The following MTA3 variants were observed in gnomAD, a reference collection of about 807,000 sequenced individuals.
MTA3 encodes metastasis-associated protein MTA3.
MTA3 carries 34 observed loss-of-function variants against 83.5 expected under a neutral mutation model. The observed-to-expected ratio is 0.41, with a 90% CI of 0.31 to 0.54. MTA3 has a LOEUF of 0.54. MTA3 is among the 20% of genes least tolerant of loss of function. The pLI is 0.33. For synonymous variants in MTA3, 303 were observed against 252.7 expected (o/e 1.20, Z -1.89); for missense variants, 761 against 726.4 (o/e 1.05, Z -0.55).
rs761256153 is a variant in MTA3, at chr2:42,659,870, A to G, written c.702+8A>G. On this transcript the variant is annotated splice_region_variant and intron_variant, in intron 8 of 16. Coordinates refer to ENST00000405094, the MANE Select transcript of MTA3 (RefSeq NM_001330442.2). ...TCCCGAGACATCACCTTGGTAAGACATGGTTTGAAATTTTGTGGGTATTTA... is the reference window on the plus strand; with the variant it reads ...TCCCGAGACATCACCTTGGTAAGACGTGGTTTGAAATTTTGTGGGTATTTA... The G allele has an allele frequency of 1.3e-5, 21 of 1,586,570 alleles. No individual in the cohort carries two copies. The highest frequency in any genetic ancestry group is 1.8e-5 in the Non-Finnish European group (21 of 1,166,310).
chr2:42,594,653 A>T (rs12712852), intron 3 of MTA3, among the ~76,000 whole-genome samples: 75 of 125,332 alleles, frequency 6.0e-4, no homozygotes, highest in African/African-American at 1.9e-3. Context: ...TATATATATA[A>T]ATATATATAT....
intron 7 of MTA3, among the ~76,000 whole-genome samples, chr2:42,656,713 A>G (rs1299644090): frequency 6.6e-6 from 1 of 152,230 alleles, no homozygotes; most frequent in African/African-American, 2.4e-5. Flanking sequence ...TGCTAAGCAT[A>G]GCACTTTGCC....
intron 16 of MTA3, among the ~76,000 whole-genome samples, chr2:42,741,725 A>G (rs778017989): frequency 1.3e-5 from 2 of 152,136 alleles, no homozygotes; most frequent in Non-Finnish European, 2.9e-5. Context: ...ACATTTATCT[A>G]TTAAGTTTCC....
intron 2 of MTA3, among the ~76,000 whole-genome samples, chr2:42,553,085 T>C (rs1677195134): frequency 6.6e-6 from 1 of 152,006 alleles, no homozygotes; most frequent in Non-Finnish European, 1.5e-5. Flanking sequence ...GAGATCAGCC[T>C]GGGCAACATA....
upstream of MTA3, among the ~76,000 whole-genome samples, chr2:42,567,098 G>C (rs1406329891): frequency 6.6e-6 from 1 of 152,176 alleles, no homozygotes; most frequent in African/African-American, 2.4e-5. Flanking sequence ...CTCAGAATTT[G>C]ACACACAGCA....
chr2:42,549,641 A>AATATATAATATATTATATACATATAC (rs1677017458), intron 2 of MTA3, among the ~76,000 whole-genome samples: 2 of 115,398 alleles, frequency 1.7e-5, no homozygotes, highest in Non-Finnish European at 3.4e-5. Context: ...ATACATATAT[A>AATATATAATATATTATATACATATAC]ATATATAATA....
chr2:42,570,613 A>G (rs1678355634), intron 2 of MTA3, 109 bp downstream of exon 2: 1 of 550,772 alleles, frequency 1.8e-6, no homozygotes, highest in Non-Finnish European at 3.0e-6. Context: ...CAATCCCAGT[A>G]AATTGGGAGG....
chr2:42,640,583 A>T (rs149827923), intron 5 of MTA3, among the ~76,000 whole-genome samples: 2 of 152,244 alleles, frequency 1.3e-5, no homozygotes, highest in South Asian at 4.1e-4. Flanking sequence ...TATTTCTTGA[A>T]TAAATGGTTT....
At chr2:42,501,464 A>G (rs17029761) in intron 2 of MTA3, among the ~76,000 whole-genome samples, 69,420 of 152,034 alleles carry the variant, frequency 0.46, 16,268 homozygotes, top group Middle Eastern at 0.54. Context: ...GATTCCCTGC[A>G]TATGGCATGG....
intron 1 of MTA3, chr2:42,569,291 C>T (rs1259532171): frequency 6.6e-6 from 1 of 152,564 alleles, no homozygotes; most frequent in African/African-American, 2.4e-5. Flanking sequence ...CTCGGCCCCC[C>T]TCCTTTTCGT....
chr2:42,582,990 C>T (rs1157448824), intron 3 of MTA3, among the ~76,000 whole-genome samples: 1 of 151,994 alleles, frequency 6.6e-6, no homozygotes, highest in Non-Finnish European at 1.5e-5. Context: ...TTCATAACTT[C>T]TTAGTGATTT....
chr2:42,670,537 C>T (rs2104404941), intron 8 of MTA3, among the ~76,000 whole-genome samples: 1 of 152,124 alleles, frequency 6.6e-6, no homozygotes, highest in East Asian at 1.9e-4. Flanking sequence ...AAAGCAGAAA[C>T]AGGGAACAAG....
At chr2:42,732,660 C>T (rs1202749386) in intron 16 of MTA3, among the ~76,000 whole-genome samples, 2 of 152,122 alleles carry the variant, frequency 1.3e-5, no homozygotes, top group African/African-American at 4.8e-5. Context: ...ATGGGTTTTT[C>T]TTTTCTATCG....
At chr2:42,525,115 AC>A (rs1163727263) in intron 2 of MTA3, among the ~76,000 whole-genome samples, 1 of 94,936 alleles carries the variant, frequency 1.1e-5, no homozygotes, top group Non-Finnish European at 2.3e-5. Flanking sequence ...CCCCTCCCCC[AC>A]CTGTGGGTCT....
intron 9 of MTA3, among the ~76,000 whole-genome samples, chr2:42,686,837 G>C (rs886695635): frequency 1.3e-5 from 2 of 149,686 alleles, no homozygotes; most frequent in South Asian, 4.2e-4. Context: ...AAAAAAAAAG[G>C]GCTGGGCATT....
At position 42,651,859 on chromosome 2, in the gene MTA3, C is replaced by T. The variant is rs955647665; in HGVS notation, c.500-4341C>T. 2.6e-5 allele frequency among the ~76,000 whole-genome samples: 4 copies of T among 151,026 alleles called. 1 individual carries two copies. In the South Asian group the frequency reaches 8.4e-4, roughly 32 times the overall value. ...TCGTAATCCCAGCACTTTGGGAGGC[C>T]GAGTTGGGTGGATCGCCTGAGGTCA... is the stretch of plus-strand genomic sequence containing the variant. On this transcript the variant is annotated intron_variant, in intron 6 of 16. Transcript: ENST00000405094.
intron 4 of MTA3, among the ~76,000 whole-genome samples, chr2:42,619,868 G>A (rs181900322): frequency 3.3e-5 from 5 of 152,188 alleles, no homozygotes; most frequent in South Asian, 2.1e-4. Context: ...GTACCAGGCC[G>A]AGCTAGTTAG....
chr2:42,751,037 C>T (rs1482656991), intron 16 of MTA3, among the ~76,000 whole-genome samples: 1 of 152,202 alleles, frequency 6.6e-6, no homozygotes, highest in African/African-American at 2.4e-5. Flanking sequence ...GTCTTGAGTG[C>T]ATAGTCTGTT....
chr2:42,514,284 G>C (rs12712841), intron 2 of MTA3, among the ~76,000 whole-genome samples: 123,766 of 152,228 alleles, frequency 0.81, 50,823 homozygotes, highest in Middle Eastern at 0.92. Context: ...TATCTAAGGA[G>C]AAGAAAATTG....
Sources: allele counts gnomAD v4.1 joint callset (sites outside exome capture counted in the v4.1 genomes callset), GRCh38; gene constraint gnomAD v4.1.1; transcripts MANE v1.5; gene names NCBI Gene and HGNC (gene_info 2026-07-23, HGNC 2026-07-21).